The following TMC1 variants were observed in gnomAD, a reference collection of about 807,000 sequenced individuals.
TMC1 encodes the protein transmembrane channel like 1, also known as transmembrane channel-like protein 1.
In TMC1, 84 loss-of-function variants were observed where a neutral mutation model predicts 105.8. That is an observed-to-expected ratio of 0.79 (90% CI 0.67 to 0.95). TMC1 has a LOEUF of 0.95. Among genes scored for constraint, TMC1 ranks in the 40% least tolerant of loss-of-function variants. The pLI is 0.00. For synonymous variants in TMC1, 315 were observed against 311.5 expected, an observed-to-expected ratio of 1.01 and a Z score of -0.12; for missense variants, 817 against 914.1, an observed-to-expected ratio of 0.89 and a Z score of 1.37.
At chr9:72,604,520 A>G (rs1232183450) in intron 2 of TMC1, among the ~76,000 whole-genome samples, 2 of 152,188 alleles carry the variant, frequency 1.3e-5, no homozygotes, top group Non-Finnish European at 2.9e-5. Context: ...GGGCTCTGGT[A>G]TTGCAGTTTT....
chr9:72,811,138 G>GAGAATA (rs1267287773), intron 18 of TMC1, among the ~76,000 whole-genome samples: 2 of 152,112 alleles, frequency 1.3e-5, no homozygotes, highest in African/African-American at 4.8e-5. Flanking sequence ...TATGTAGCCA[G>GAGAATA]AGAATAATAA....
chr9:72,624,137 T>G (rs993717215), intron 3 of TMC1, among the ~76,000 whole-genome samples: 1 of 152,194 alleles, frequency 6.6e-6, no homozygotes, highest in African/African-American at 2.4e-5. Flanking sequence ...GCTGACAGGT[T>G]GGAAATTTAG....
intron 5 of TMC1, among the ~76,000 whole-genome samples, chr9:72,665,456 T>A (rs1024744893): frequency 2.6e-5 from 4 of 152,242 alleles, no homozygotes; most frequent in Admixed American, 2.6e-4. Flanking sequence ...AGAATGTCTA[T>A]TTTTAGATTT....
At chr9:72,713,674 T>G (rs1400025400) in intron 8 of TMC1, among the ~76,000 whole-genome samples, 2 of 152,010 alleles carry the variant, frequency 1.3e-5, no homozygotes, top group African/African-American at 2.4e-5. Flanking sequence ...TTCTTCTTTA[T>G]TAGTCTGGCT....
chr9:72,740,371 G>A (rs752712184), intron 9 of TMC1, among the ~76,000 whole-genome samples, 162 bp downstream of exon 9: 10 of 152,046 alleles, frequency 6.6e-5, no homozygotes, highest in Non-Finnish European at 1.2e-4. Context: ...ATTTACAGGG[G>A]AGATTTAAAA....
intron 3 of TMC1, among the ~76,000 whole-genome samples, chr9:72,618,665 T>G (rs1353224451): frequency 6.6e-6 from 1 of 150,854 alleles, no homozygotes; most frequent in East Asian, 1.9e-4. Context: ...GGTATTGTTA[T>G]TTTAAAACAG....
intron 17 of TMC1, among the ~76,000 whole-genome samples, chr9:72,793,861 G>C (rs1828318521): frequency 6.6e-6 from 1 of 152,160 alleles, no homozygotes; most frequent in South Asian, 2.1e-4. Context: ...GCTACCCTCT[G>C]CTAGAATTAT....
intron 1 of TMC1, among the ~76,000 whole-genome samples, chr9:72,557,368 A>G (rs1823960551): frequency 6.6e-6 from 1 of 151,242 alleles, no homozygotes; most frequent in Non-Finnish European, 1.5e-5. Context: ...GAGACTCTCA[A>G]AAAAACAAAC....
chr9:72,618,052 A>G (rs1234653207), intron 3 of TMC1, among the ~76,000 whole-genome samples: 1 of 136,706 alleles, frequency 7.3e-6, no homozygotes, highest in Non-Finnish European at 1.6e-5. Flanking sequence ...TTTTTGAGAC[A>G]AAGTCTCATT....
At chr9:72,570,230 AGT>A (rs3223165) in intron 1 of TMC1, among the ~76,000 whole-genome samples, 1,621 of 145,596 alleles carry the variant, frequency 0.011, 12 homozygotes, top group South Asian at 0.023. Context: ...CTCAAAGAGT[AGT>A]GTGTGTGTGT....
chr9:72,649,966 G>A (rs1408494204), intron 5 of TMC1, among the ~76,000 whole-genome samples: 1 of 152,140 alleles, frequency 6.6e-6, no homozygotes, highest in Non-Finnish European at 1.5e-5. Context: ...GATTATTCCT[G>A]CTGTTTATTA....
At chr9:72,752,212 G>T (rs1267257932) in intron 11 of TMC1, among the ~76,000 whole-genome samples, 2 of 152,066 alleles carry the variant, frequency 1.3e-5, no homozygotes, top group African/African-American at 2.4e-5. Flanking sequence ...GTATTTTTAT[G>T]TGGAAAGTTT....
At chr9:72,792,690 A>G (rs1006040139) in intron 17 of TMC1, among the ~76,000 whole-genome samples, 1 of 152,216 alleles carries the variant, frequency 6.6e-6, no homozygotes, top group African/African-American at 2.4e-5. Flanking sequence ...AACTCTATTT[A>G]GTGTTACTTG....
intron 18 of TMC1, among the ~76,000 whole-genome samples, chr9:72,810,545 G>A (rs35250895): frequency 0.068 from 10,280 of 152,134 alleles, 407 homozygotes; most frequent in African/African-American, 0.1. Flanking sequence ...GATAACAAGT[G>A]CTACATATTT....
At position 72,834,040 on chromosome 9, in the gene TMC1, TC is replaced by T. The variant is rs553456845; in HGVS notation, c.2261-1910del. Among the ~76,000 whole-genome samples, 1,293 of 151,676 alleles carry T rather than the reference TC, an allele frequency of 8.5e-3. 15 individuals are homozygous for T. The highest frequency in any genetic ancestry group is 0.03 in the African/African-American group (1,223 of 41,310). On this transcript the variant is annotated intron_variant, in intron 23 of 23. Coordinates refer to ENST00000297784, the MANE Select transcript of TMC1 (RefSeq NM_138691.3). ...CATCCATTTTCTGTTTTTTTTTTTT[TC>T]ATGTAGAATTTCTAATTTATTTTTC...
At chr9:72,834,561 A>G (rs994200182) in intron 23 of TMC1, among the ~76,000 whole-genome samples, 1 of 152,178 alleles carries the variant, frequency 6.6e-6, no homozygotes, top group African/African-American at 2.4e-5. Context: ...ACTCCTGCCC[A>G]GAGAGTAAAG....
At chr9:72,602,908 T>C (rs1433605201) in intron 2 of TMC1, among the ~76,000 whole-genome samples, 1 of 152,248 alleles carries the variant, frequency 6.6e-6, no homozygotes, top group Non-Finnish European at 1.5e-5. Flanking sequence ...AAAGAGCATC[T>C]ACTATTCAGT....
intron 18 of TMC1, among the ~76,000 whole-genome samples, chr9:72,810,151 A>C (rs1390438762): frequency 6.6e-6 from 1 of 151,850 alleles, no homozygotes; most frequent in African/African-American, 2.4e-5. Context: ...AAAAAAAAAA[A>C]AAAAACTAAA....
chr9:72,735,906 T>C (rs1827290381), intron 8 of TMC1, among the ~76,000 whole-genome samples: 1 of 152,190 alleles, frequency 6.6e-6, no homozygotes, highest in Non-Finnish European at 1.5e-5. Flanking sequence ...ATCTGATGAG[T>C]TGAGTCTAGT....
Sources: allele counts gnomAD v4.1 joint callset (sites outside exome capture counted in the v4.1 genomes callset), GRCh38; gene constraint gnomAD v4.1.1; transcripts MANE v1.5; gene names NCBI Gene and HGNC (gene_info 2026-07-23, HGNC 2026-07-21).